The following GPR26 variants were observed in gnomAD, a reference collection of about 807,000 sequenced individuals.
The protein encoded by GPR26 is G protein-coupled receptor 26.
Under a neutral mutation model 23.1 loss-of-function variants are expected in GPR26, and 15 were observed. The observed-to-expected ratio is 0.65, with a 90% confidence interval of 0.43 to 1.00. GPR26 has a LOEUF of 1.00. Among genes scored for constraint, GPR26 ranks in the 50% least tolerant of loss-of-function variants. The pLI is 0.00. For synonymous variants in GPR26, 228 were observed against 222.1 expected (o/e 1.03, Z -0.24); for missense variants, 359 against 470.5 (o/e 0.76, Z 2.19).
rs1205555466 is a variant in GPR26, at chr10:123,694,957, C to T, written c.*6797C>T. 2.6e-5 allele frequency among the ~76,000 whole-genome samples: 4 copies of T among 152,178 alleles called. No homozygotes were observed. In the East Asian group the frequency reaches 7.7e-4, roughly 29 times the overall value. On this transcript the variant is annotated 3_prime_UTR_variant, in exon 3 of 3. Coordinates refer to ENST00000284674, the MANE Select transcript of GPR26 (RefSeq NM_153442.4). ...TGTTTGTCTTCGGTAGGGAGTGCCA[C>T]ACATTTAATATCAATGCAGGGTCCT...
At chr10:123,685,507 C>G (rs1479066721) in intron 2 of GPR26, among the ~76,000 whole-genome samples, 1 of 152,210 alleles carries the variant, frequency 6.6e-6, no homozygotes, top group Non-Finnish European at 1.5e-5. Flanking sequence ...CCAGCTACCC[C>G]CCGCCAGTGG....
rs117377546 is a variant in GPR26 at position 123,673,344 on chromosome 10, G to A, written c.669-1474G>A. On this transcript the variant is annotated intron_variant, in intron 1 of 2. Transcript: ENST00000284674. ...GGAAGGCTGCCCTGGCATTAGCGAT[G>A]TACATGAACCTGGCTCATGAATATT... Among the ~76,000 whole-genome samples, 164 of 152,304 alleles carry A rather than the reference G, an allele frequency of 1.1e-3. 1 individual carries two copies. The highest frequency in any genetic ancestry group is 1.9e-3 in the Non-Finnish European group (132 of 68,024).
intron 1 of GPR26, among the ~76,000 whole-genome samples, chr10:123,672,440 C>T (rs775959662): frequency 3.9e-5 from 6 of 152,118 alleles, no homozygotes; most frequent in East Asian, 1.9e-4. Context: ...ATGGCAGGCC[C>T]GGTGCCATTA....
At chr10:123,686,790 G>A (rs1258038622) in intron 2 of GPR26, among the ~76,000 whole-genome samples, 1 of 152,188 alleles carries the variant, frequency 6.6e-6, no homozygotes, top group Admixed American at 6.5e-5. Flanking sequence ...GGGGAGTACA[G>A]GTGCTGCACC....
intron 2 of GPR26, among the ~76,000 whole-genome samples, chr10:123,684,184 C>T (rs1256534974): frequency 6.6e-6 from 1 of 152,168 alleles, no homozygotes; most frequent in East Asian, 1.9e-4. Flanking sequence ...CACGGAAAGT[C>T]ATCTTGTGCT....
chr10:123,676,678 G>C (rs559355204), intron 2 of GPR26, among the ~76,000 whole-genome samples: 2 of 152,352 alleles, frequency 1.3e-5, no homozygotes, highest in South Asian at 4.1e-4. Context: ...CCAGGCAACA[G>C]AGGAGAAAGG....
intron 2 of GPR26, among the ~76,000 whole-genome samples, chr10:123,677,278 C>G (rs1413507454): frequency 1.3e-5 from 2 of 152,210 alleles, no homozygotes; most frequent in African/African-American, 4.8e-5. Context: ...AATATGCTCC[C>G]TCCAAATGGA....
intron 2 of GPR26, among the ~76,000 whole-genome samples, chr10:123,678,972 G>A (rs1021260551): frequency 6.6e-6 from 1 of 152,188 alleles, no homozygotes; most frequent in Non-Finnish European, 1.5e-5. Context: ...AAATAAGATC[G>A]CCCTGCAAAG....
rs1320375470 is a variant in GPR26 at position 123,692,228 on chromosome 10, G to A, written c.*4068G>A. The A allele has an allele frequency of 6.6e-6, 1 of 152,252 alleles. No individual in the cohort carries two copies. The highest frequency in any genetic ancestry group is 1.5e-5 in the Non-Finnish European group (1 of 68,064). 9.4% of individuals were successfully genotyped at this position (152,252 alleles called of 1,614,324 possible). A position where few individuals can be genotyped will look rare whatever the true frequency, so the allele number is the denominator to read the frequency against. The stretch of plus-strand genomic sequence containing the variant: ...GAGGAAGGAACTCTGGCATTCAGAG[G>A]TGTCCCCTTGGGGGCACTTGCTTGG... On this transcript the variant is annotated 3_prime_UTR_variant, in exon 3 of 3. Coordinates refer to ENST00000284674, the MANE Select transcript of GPR26 (RefSeq NM_153442.4).
rs1434976737 is a variant in GPR26 at position 123,696,799 on chromosome 10, G to C, written c.*8639G>C. Among the ~76,000 whole-genome samples the C allele has an allele frequency of 6.6e-6, 1 of 151,396 alleles. No individual in the cohort carries two copies. The highest frequency in any genetic ancestry group is 1.5e-5 in the Non-Finnish European group (1 of 67,620). ...CATATGCATATGGGTGAATGTTTGT[G>C]TGCCCATGATTTTATGCATATAGGT... On this transcript the variant is annotated 3_prime_UTR_variant, in exon 3 of 3. Coordinates refer to ENST00000284674, the MANE Select transcript of GPR26 (RefSeq NM_153442.4).
rs535479571 is a variant in GPR26 at position 123,695,168 on chromosome 10, T to G, written c.*7008T>G. ...AGCATCTAGCATTTAAAGGTCAAAT[T>G]TGATGAGTCTAATCAATCTTAGCAG... On this transcript the variant is annotated 3_prime_UTR_variant, in exon 3 of 3. Transcript: ENST00000284674. 6.6e-6 allele frequency among the ~76,000 whole-genome samples: 1 copy of G among 152,250 alleles called. No individual in the cohort carries two copies. Among genetic ancestry groups the G allele is most frequent in the Non-Finnish European group, 1.5e-5 (1 of 68,040 alleles).
intron 1 of GPR26, among the ~76,000 whole-genome samples, chr10:123,672,011 G>A (rs1431387071): frequency 6.6e-6 from 1 of 152,174 alleles, no homozygotes; most frequent in Admixed American, 6.5e-5. Context: ...ATAAGCAAGA[G>A]GGCCGTGATG....
At position 123,688,641 on chromosome 10, in the gene GPR26, C is replaced by A; in HGVS notation, c.*481C>A. Reference sequence around the variant, plus strand: ...CCGGATCTAACATGGCACCTCGTCTCCACAGGGTAGTGGTGGCTGCTTCAA... The same window carrying A: ...CCGGATCTAACATGGCACCTCGTCTACACAGGGTAGTGGTGGCTGCTTCAA... On this transcript the variant is annotated 3_prime_UTR_variant, in exon 3 of 3. Coordinates refer to ENST00000284674, the MANE Select transcript of GPR26 (RefSeq NM_153442.4). 15 of 171,852 alleles carry A rather than the reference C, an allele frequency of 8.7e-5. No homozygotes were observed. The highest frequency in any genetic ancestry group is 7.6e-4 in the South Asian group (5 of 6,544). The allele number at this position is 171,852 out of a possible 1,614,324, so 10.6% of individuals were successfully genotyped here. A position where few individuals can be genotyped will look rare whatever the true frequency, so the allele number is the denominator to read the frequency against.
chr10:123,688,278 C>A lies in GPR26; in HGVS notation c.*118C>A. On this transcript the variant is annotated 3_prime_UTR_variant, in exon 3 of 3. Coordinates refer to ENST00000284674, the MANE Select transcript of GPR26 (RefSeq NM_153442.4). ...ACCAGTCCCTGGCATGCCCAGTGAT[C>A]CTGGTTCCCTGGCTTGTAGGGGCTC... 1 of 682,688 alleles carries A rather than the reference C, an allele frequency of 1.5e-6. No individual in the cohort carries two copies. The highest frequency in any genetic ancestry group is 2.5e-6 in the Non-Finnish European group (1 of 392,172). The allele number at this position is 682,688 out of a possible 1,614,324, so 42.3% of individuals were successfully genotyped here. A position where few individuals can be genotyped will look rare whatever the true frequency, so the allele number is the denominator to read the frequency against.
At chr10:123,683,700 C>T (rs1261450117) in intron 2 of GPR26, among the ~76,000 whole-genome samples, 1 of 152,180 alleles carries the variant, frequency 6.6e-6, no homozygotes, top group Non-Finnish European at 1.5e-5. Context: ...CGCCAGTCCC[C>T]CACATCAGAG....
chr10:123,682,992 A>G (rs531194859), intron 2 of GPR26, among the ~76,000 whole-genome samples: 4 of 152,120 alleles, frequency 2.6e-5, no homozygotes, highest in African/African-American at 7.2e-5. Flanking sequence ...GTGTGTGTGT[A>G]TGTATACATG....
At chr10:123,669,784 T>C (rs534651022) in intron 1 of GPR26, among the ~76,000 whole-genome samples, 1 of 152,288 alleles carries the variant, frequency 6.6e-6, no homozygotes, top group Non-Finnish European at 1.5e-5. Flanking sequence ...CCCGGGACCC[T>C]CTCTTCTTAA....
In GPR26 at chr10:123,691,202, G is replaced by C. The variant is rs1488883766; in HGVS notation, c.*3042G>C. The C allele has an allele frequency of 6.6e-6, 1 of 152,118 alleles. No individual in the cohort carries two copies. Among genetic ancestry groups the C allele is most frequent in the African/African-American group, 2.4e-5 (1 of 41,404 alleles). The allele number at this position is 152,118 out of a possible 1,614,324, so 9.4% of individuals were successfully genotyped here. ...AACGTCCATTTGCATGTGTGCCCTG[G>C]TATTTAGGGTTTGTCTCATGGTCAG... On this transcript the variant is annotated 3_prime_UTR_variant, in exon 3 of 3. Transcript: ENST00000284674.
At chr10:123,686,681 C>T (rs1845433511) in intron 2 of GPR26, among the ~76,000 whole-genome samples, 1 of 152,204 alleles carries the variant, frequency 6.6e-6, no homozygotes, top group African/African-American at 2.4e-5. Flanking sequence ...CTTTCTGTAC[C>T]TGGGTCCTCA....
Sources: gnomAD v4.1 joint callset for allele counts (sites outside exome capture counted in the v4.1 genomes callset) on GRCh38, gnomAD v4.1.1 for gene constraint, MANE v1.5 for transcripts, NCBI Gene and HGNC (gene_info 2026-07-23, HGNC 2026-07-21) for gene names.